TENM3: variants seen among roughly 807,000 people sequenced by gnomAD.
TENM3 encodes teneurin transmembrane protein 3, also known as teneurin-3.
Under a neutral mutation model 255.1 loss-of-function variants are expected in TENM3, and 63 were observed. The observed-to-expected ratio is 0.25, with a 90% confidence interval of 0.20 to 0.30. The LOEUF is 0.30. Ranked by LOEUF, TENM3 falls within the 10% of genes least tolerant of loss-of-function variation. The pLI is 1.00. For missense variants in TENM3, 2,929 were observed against 3,461.1 expected (o/e 0.85, Z 3.86); for synonymous variants, 1,306 against 1,322.3 (o/e 0.99, Z 0.27).
At chr4:182,714,291 A>T in intron 13 of TENM3, 58 bp downstream of exon 13, 1 of 864,506 alleles carries the variant, frequency 1.2e-6, no homozygotes, top group South Asian at 1.7e-5. Context: ...CGTAAGTGAC[A>T]GTGAGTACAT....
intron 1 of TENM3, among the ~76,000 whole-genome samples, chr4:182,148,914 G>C (rs1053940398): frequency 6.6e-6 from 1 of 151,884 alleles, no homozygotes; most frequent in African/African-American, 2.4e-5. Context: ...TAAAAGATTA[G>C]GAGCACAGAA....
intron 3 of TENM3, among the ~76,000 whole-genome samples, chr4:182,509,513 A>G (rs904273145): frequency 3.3e-5 from 5 of 152,232 alleles, no homozygotes; most frequent in African/African-American, 7.2e-5. Context: ...TAGAAGGACA[A>G]TATTACATAG....
rs1202720848 is a variant in TENM3 at position 182,161,945 on chromosome 4, TTGTG to T, written c.-76+17203_-76+17206del. 3.5e-3 allele frequency among the ~76,000 whole-genome samples: 58 copies of T among 16,476 alleles called. 9 individuals are homozygous for T. The highest frequency in any genetic ancestry group is 0.013 in the African/African-American group (56 of 4,348). The allele number at this position is 16,476 out of a possible 152,430, so 10.8% of individuals were successfully genotyped here. On this transcript the variant is annotated intron_variant, in intron 1 of 2. Coordinates refer to the TENM3 transcript ENST00000512480. ...TGTATATATATACACATATATATAT[TTGTG>T]TGTGTGTGTGTATATATATATATAT...
At chr4:181,567,112 A>G in the TENM3 span, among the ~76,000 whole-genome samples, 2 of 152,196 alleles carry the variant, frequency 1.3e-5, no homozygotes, top group African/African-American at 4.8e-5. Context: ...TACTCTGATC[A>G]ATAAGAGTAG....
chr4:181,532,259 G>T, the TENM3 span, among the ~76,000 whole-genome samples: 1 of 152,088 alleles, frequency 6.6e-6, no homozygotes, highest in Non-Finnish European at 1.5e-5. Flanking sequence ...GCAAAATTGG[G>T]CTTTAGGACT....
At chr4:182,115,327 A>G in the TENM3 span, among the ~76,000 whole-genome samples, 1 of 152,250 alleles carries the variant, frequency 6.6e-6, no homozygotes, top group African/African-American at 2.4e-5. Flanking sequence ...CAGAAAAATT[A>G]TAAGACTTGG....
chr4:181,629,451 C>A, the TENM3 span, among the ~76,000 whole-genome samples: 1 of 152,128 alleles, frequency 6.6e-6, no homozygotes, highest in Admixed American at 6.5e-5. Context: ...TTTGCCCATT[C>A]AGTATAATAT....
the TENM3 span, among the ~76,000 whole-genome samples, chr4:181,875,119 G>A: frequency 6.6e-6 from 1 of 152,120 alleles, no homozygotes; most frequent in Non-Finnish European, 1.5e-5. Flanking sequence ...TTTTGGTAGA[G>A]TAAAAGGACA....
At position 182,777,011 on chromosome 4, in the gene TENM3, C is replaced by G. The variant is rs544788972; in HGVS notation, c.5304+1858C>G. ...GCCAGCTCTGACTGCTAATTTCATT[C>G]CTCTGTGGATTCTAAGGGAGAAATT... On this transcript the variant is annotated intron_variant, in intron 24 of 27. Coordinates refer to ENST00000511685, the MANE Select transcript of TENM3 (RefSeq NM_001080477.4). Among the ~76,000 whole-genome samples, 3 of 152,194 alleles carry G rather than the reference C, an allele frequency of 2.0e-5. No homozygotes were observed. The East Asian group carries it at 5.8e-4, about 29-fold the overall frequency.
At chr4:181,985,508 A>G in the TENM3 span, among the ~76,000 whole-genome samples, 13 of 152,120 alleles carry the variant, frequency 8.5e-5, no homozygotes, top group Non-Finnish European at 1.6e-4. Context: ...TAAAAGTCTC[A>G]TGAAAAACCA....
At chr4:182,592,125 CTTCT>C (rs1471932869) in intron 3 of TENM3, among the ~76,000 whole-genome samples, 3 of 120,000 alleles carry the variant, frequency 2.5e-5, no homozygotes, top group South Asian at 2.8e-4. Context: ...CCTTTCTTTT[CTTCT>C]TTTTTTTTTT....
chr4:181,546,594 G>A, the TENM3 span, among the ~76,000 whole-genome samples: 2 of 141,384 alleles, frequency 1.4e-5, no homozygotes, highest in East Asian at 2.1e-4. Flanking sequence ...GACGCCTGTA[G>A]TCCCAGCTAC....
At chr4:182,108,770 G>A in the TENM3 span, among the ~76,000 whole-genome samples, 2 of 152,130 alleles carry the variant, frequency 1.3e-5, no homozygotes, top group Non-Finnish European at 2.9e-5. Context: ...TGGTCTCTCA[G>A]CTCTTCCCCC....
chr4:182,411,257 C>A (rs944306460), intron 3 of TENM3, among the ~76,000 whole-genome samples: 1 of 152,168 alleles, frequency 6.6e-6, no homozygotes, highest in Non-Finnish European at 1.5e-5. Context: ...TAGTAACTAA[C>A]AAGATAACAA....
chr4:182,001,481 T>C, the TENM3 span, among the ~76,000 whole-genome samples: 1 of 152,218 alleles, frequency 6.6e-6, no homozygotes, highest in Middle Eastern at 3.4e-3. Context: ...CTGTTACTGT[T>C]CGGTAACTAA....
the TENM3 span, among the ~76,000 whole-genome samples, chr4:181,602,752 T>C: frequency 1.3e-5 from 2 of 152,192 alleles, no homozygotes; most frequent in African/African-American, 4.8e-5. Flanking sequence ...AATTTGGACA[T>C]ATGGATCACT....
the TENM3 span, among the ~76,000 whole-genome samples, chr4:181,797,276 G>T: frequency 6.6e-6 from 1 of 151,398 alleles, no homozygotes; most frequent in Admixed American, 6.6e-5. Context: ...CATGGCTTTC[G>T]GTATTGAACT....
chr4:182,441,540 C>G (rs1159752765), intron 3 of TENM3, among the ~76,000 whole-genome samples: 3 of 152,062 alleles, frequency 2.0e-5, no homozygotes, highest in Non-Finnish European at 4.4e-5. Context: ...CTCTGTTGCC[C>G]AGGCTGGAGT....
At chr4:181,954,977 C>T in the TENM3 span, among the ~76,000 whole-genome samples, 1 of 152,258 alleles carries the variant, frequency 6.6e-6, no homozygotes, top group East Asian at 1.9e-4. Flanking sequence ...CATCCTTCTC[C>T]CATTGAATTA....
Sources: allele counts gnomAD v4.1 joint callset (sites outside exome capture counted in the v4.1 genomes callset), GRCh38; gene constraint gnomAD v4.1.1; transcripts MANE v1.5; gene names NCBI Gene and HGNC (gene_info 2026-07-23, HGNC 2026-07-21).